Variants in COL24A1 observed in about 807,000 individuals in gnomAD.
COL24A1 encodes the protein collagen alpha-1(XXIV) chain.
Under a neutral mutation model 253.9 loss-of-function variants are expected in COL24A1, and 224 were observed. That is an observed-to-expected ratio of 0.88 (90% CI 0.79 to 0.99). The LOEUF (loss-of-function observed/expected upper bound fraction) is 0.99, where lower values mean the gene tolerates loss of function less well. Ranked by LOEUF, COL24A1 falls within the 50% of genes least tolerant of loss-of-function variation. COL24A1 has a pLI of 0.00. For synonymous variants in COL24A1, 685 were observed against 673.7 expected, an observed-to-expected ratio of 1.02 and a Z score of -0.26; for missense variants, 2,131 against 2,068.5, an observed-to-expected ratio of 1.03 and a Z score of -0.59.
intron 7 of COL24A1, among the ~76,000 whole-genome samples, chr1:86,085,010 A>T (rs1702953483): frequency 6.6e-6 from 1 of 152,206 alleles, no homozygotes; most frequent in Admixed American, 6.5e-5. Flanking sequence ...GTGAGAGATG[A>T]TCTATAGAGC....
chr1:86,154,239 A>G (rs1384826236), intron 1 of COL24A1: 2 of 151,908 alleles, frequency 1.3e-5, no homozygotes, highest in Non-Finnish European at 2.9e-5. Flanking sequence ...TCTAGAAACA[A>G]TTTTTTCAGT....
chr1:86,000,254 T>C (rs1413869748), intron 19 of COL24A1, among the ~76,000 whole-genome samples: 1 of 152,238 alleles, frequency 6.6e-6, no homozygotes, highest in Non-Finnish European at 1.5e-5. Context: ...AACAACTCCT[T>C]AATTCTCACA....
intron 47 of COL24A1, among the ~76,000 whole-genome samples, chr1:85,791,238 C>T (rs1471457234): frequency 3.3e-5 from 5 of 152,014 alleles, no homozygotes; most frequent in Non-Finnish European, 7.4e-5. Context: ...TGCTCAGTTG[C>T]TCATTCAAGG....
At chr1:85,812,655 T>C (rs1251841097) in intron 47 of COL24A1, among the ~76,000 whole-genome samples, 2 of 152,186 alleles carry the variant, frequency 1.3e-5, no homozygotes, top group Non-Finnish European at 1.5e-5. Context: ...CTTCTCAAAA[T>C]GAAATCAATG....
At chr1:85,908,119 A>G (rs1365762220) in intron 27 of COL24A1, among the ~76,000 whole-genome samples, 1 of 151,676 alleles carries the variant, frequency 6.6e-6, no homozygotes, top group African/African-American at 2.4e-5. Flanking sequence ...AGATTCTGAT[A>G]AGCAAAATTA....
chr1:86,104,917 C>T (rs1010194499), intron 5 of COL24A1, among the ~76,000 whole-genome samples: 1 of 152,228 alleles, frequency 6.6e-6, no homozygotes, highest in African/African-American at 2.4e-5. Context: ...AGCCTCCATG[C>T]AGGTATTTAC....
intron 45 of COL24A1, among the ~76,000 whole-genome samples, chr1:85,818,977 C>A (rs1410243923): frequency 6.6e-6 from 1 of 152,070 alleles, no homozygotes; most frequent in Non-Finnish European, 1.5e-5. Flanking sequence ...TTTTGACAAC[C>A]AGCTTAAACA....
intron 12 of COL24A1, among the ~76,000 whole-genome samples, chr1:86,042,933 G>T (rs1482787411): frequency 6.6e-6 from 1 of 152,132 alleles, no homozygotes; most frequent in Non-Finnish European, 1.5e-5. Context: ...TTACTGTGTA[G>T]CTGAGAATCC....
intron 24 of COL24A1, among the ~76,000 whole-genome samples, chr1:85,950,660 A>C (rs603297): frequency 0.45 from 67,662 of 151,998 alleles, 16,103 homozygotes; most frequent in East Asian, 0.75. Context: ...AACAGAAGTT[A>C]CCCTTCATGA....
intron 19 of COL24A1, among the ~76,000 whole-genome samples, chr1:86,005,784 C>T (rs577343974): frequency 1.6e-4 from 24 of 152,102 alleles, no homozygotes; most frequent in African/African-American, 5.8e-4. Context: ...CTGCCTTTGT[C>T]ACAGATGACA....
At chr1:85,927,824 T>A (rs1439126997) in intron 24 of COL24A1, among the ~76,000 whole-genome samples, 1 of 122,666 alleles carries the variant, frequency 8.2e-6, no homozygotes, top group African/African-American at 3.1e-5. Flanking sequence ...AGGGGCACAC[T>A]GACACCTCAC....
At chr1:86,073,057 G>GA (rs1488779609) in intron 7 of COL24A1, among the ~76,000 whole-genome samples, 1 of 152,094 alleles carries the variant, frequency 6.6e-6, no homozygotes, top group East Asian at 1.9e-4. Flanking sequence ...CCGAAAACCA[G>GA]AACGCCTCTT....
chr1:86,053,157 C>T (rs899650900), intron 10 of COL24A1, among the ~76,000 whole-genome samples: 6 of 152,022 alleles, frequency 3.9e-5, no homozygotes, highest in East Asian at 1.9e-4. Context: ...AAGCTGTGTA[C>T]ATTTTCAGAA....
intron 23 of COL24A1, among the ~76,000 whole-genome samples, chr1:85,963,414 C>G (rs1374547421): frequency 6.6e-6 from 1 of 152,050 alleles, no homozygotes; most frequent in Non-Finnish European, 1.5e-5. Context: ...ATTTGTGCTA[C>G]TTAGTTTTAA....
intron 24 of COL24A1, 64 bp downstream of exon 24, chr1:85,961,185 G>A: frequency 1.7e-6 from 2 of 1,172,128 alleles, no homozygotes; most frequent in East Asian, 2.4e-5. Flanking sequence ...ACGTAATCAT[G>A]GCTAATATGA....
chr1:85,755,069 G>C (rs184246383), intron 55 of COL24A1, among the ~76,000 whole-genome samples: 17 of 152,252 alleles, frequency 1.1e-4, no homozygotes, highest in African/African-American at 4.1e-4. Context: ...AGCTCATCAT[G>C]TCCGAGAGAT....
chr1:85,970,569 AAG>A (rs1173605623), intron 21 of COL24A1, among the ~76,000 whole-genome samples: 4 of 152,264 alleles, frequency 2.6e-5, no homozygotes, highest in African/African-American at 9.6e-5. Flanking sequence ...AAAAGGCAGT[AAG>A]TGTTTTTACT....
intron 16 of COL24A1, 74 bp downstream of exon 16, chr1:86,022,759 A>G (rs1426465780): frequency 2.4e-6 from 3 of 1,274,274 alleles, no homozygotes; most frequent in East Asian, 5.5e-5. Context: ...AAAATATTTC[A>G]TAAATTGTGT....
At chr1:85,857,684 T>C (rs747331738) in intron 37 of COL24A1, among the ~76,000 whole-genome samples, 1 of 152,144 alleles carries the variant, frequency 6.6e-6, no homozygotes, top group Non-Finnish European at 1.5e-5. Context: ...CAAGGACTGA[T>C]ACACTTGAGA....
Sources: allele counts gnomAD v4.1 joint callset (sites outside exome capture counted in the v4.1 genomes callset), GRCh38; gene constraint gnomAD v4.1.1; transcripts MANE v1.5; gene names NCBI Gene and HGNC (gene_info 2026-07-23, HGNC 2026-07-21).